TACC2: variants seen among roughly 807,000 people sequenced by gnomAD.
TACC2 encodes the protein transforming acidic coiled-coil containing protein 2.
TACC2 carries 137 observed loss-of-function variants against 227.3 expected under a neutral mutation model. That is an observed-to-expected ratio of 0.60 (90% CI 0.52 to 0.69). The LOEUF is 0.69. Among genes scored for constraint, TACC2 ranks in the 30% least tolerant of loss-of-function variants. TACC2 has a pLI of 0.00. For missense variants in TACC2, 3,470 were observed against 3,694.4 expected (o/e 0.94, Z 1.57); for synonymous variants, 1,523 against 1,487.5 (o/e 1.02, Z -0.55).
chr10:122,085,621 G>C lies in TACC2; in HGVS notation c.3121G>C (p.Gly1041Arg), dbSNP rs769048028. 3 of 1,613,406 alleles carry C rather than the reference G, an allele frequency of 1.9e-6. No individual in the cohort carries two copies. Among genetic ancestry groups the C allele is most frequent in the Non-Finnish European group, 1.7e-6 (2 of 1,180,032 alleles). The change falls in exon 4 of 23, where the codon GGG becomes CGG. Residue 1041 changes from glycine (G) to arginine (R), a missense_variant. This residue lies in a region of TACC2 where 1,924 missense variants were observed against 1,978.3 expected (regional missense o/e 0.97). Coordinates refer to ENST00000369005, the MANE Select transcript of TACC2 (RefSeq NM_206862.4). ...GAGGGAGATGGCAAGTGGAAACACA[G>C]GGGAGGCCCCACCTTGTCAGCCTGA... is the stretch of plus-strand genomic sequence containing the variant. The part of the protein sequence containing the change: ...SKREMASGNT[G>R]EAPPCQPDSV...
intron 7 of TACC2, among the ~76,000 whole-genome samples, chr10:122,144,519 T>C (rs1343369114): frequency 6.6e-6 from 1 of 152,212 alleles, no homozygotes; most frequent in African/African-American, 2.4e-5. Context: ...GCCTCGGTCC[T>C]CAGGGAGCTC....
At chr10:122,132,774 G>A in intron 6 of TACC2, 40 bp downstream of exon 6, 1 of 1,609,238 alleles carries the variant, frequency 6.2e-7, no homozygotes, top group Non-Finnish European at 8.5e-7. Flanking sequence ...AGACCTCAGG[G>A]CCCAATCCTT....
chr10:122,047,087 G>A (rs1039202374), intron 2 of TACC2, among the ~76,000 whole-genome samples: 1 of 151,672 alleles, frequency 6.6e-6, no homozygotes, highest in Non-Finnish European at 1.5e-5. Context: ...TCAGGAGTTC[G>A]AGACTAGCCT....
chr10:122,198,786 G>T (rs1462245431), intron 8 of TACC2, among the ~76,000 whole-genome samples: 1 of 152,220 alleles, frequency 6.6e-6, no homozygotes, highest in Non-Finnish European at 1.5e-5. Context: ...TGTGCGCCTA[G>T]CCTGGGGCAG....
intron 7 of TACC2, among the ~76,000 whole-genome samples, chr10:122,171,420 C>G (rs1348934401): frequency 6.6e-6 from 1 of 152,190 alleles, no homozygotes; most frequent in Non-Finnish European, 1.5e-5. Context: ...GTCACAGTGG[C>G]TCTGTGTCCT....
intron 2 of TACC2, among the ~76,000 whole-genome samples, chr10:122,028,396 A>G (rs762113330): frequency 5.3e-5 from 8 of 151,740 alleles, no homozygotes; most frequent in Admixed American, 2.6e-4. Flanking sequence ...AGCCTATTTT[A>G]TTTTTCATTA....
chr10:122,071,678 A>G (rs1192405575), intron 3 of TACC2, among the ~76,000 whole-genome samples: 1 of 144,330 alleles, frequency 6.9e-6, no homozygotes, highest in Non-Finnish European at 1.5e-5. Context: ...GTTCGAGACC[A>G]GGCTGGCCAA....
intron 2 of TACC2, among the ~76,000 whole-genome samples, chr10:122,035,591 T>C (rs1043578870): frequency 2.6e-5 from 4 of 152,188 alleles, no homozygotes; most frequent in African/African-American, 9.7e-5. Context: ...TATTTATTTT[T>C]TTATTATTGC....
chr10:122,132,076 A>C (rs2138829345), intron 5 of TACC2, among the ~76,000 whole-genome samples: 1 of 98,446 alleles, frequency 1.0e-5, no homozygotes, highest in African/African-American at 4.6e-5. Flanking sequence ...AAAAGAAAGA[A>C]AGAAAGAGAA....
At chr10:122,123,035 T>G (rs1592272181) in intron 5 of TACC2, among the ~76,000 whole-genome samples, 1 of 152,158 alleles carries the variant, frequency 6.6e-6, no homozygotes, top group Middle Eastern at 3.4e-3. Context: ...TTGAGAGAGT[T>G]TCACTCACCC....
chr10:122,182,090 T>C (rs534150126), intron 7 of TACC2, among the ~76,000 whole-genome samples: 1 of 152,354 alleles, frequency 6.6e-6, no homozygotes, highest in African/African-American at 2.4e-5. Context: ...TGCCAAATCA[T>C]GATTGAGACT....
intron 7 of TACC2, among the ~76,000 whole-genome samples, chr10:122,175,494 T>C (rs995431153): frequency 3.3e-5 from 5 of 152,224 alleles, no homozygotes; most frequent in Admixed American, 2.0e-4. Context: ...CAGTTTCTGT[T>C]CTTTGTGCTC....
At chr10:121,997,648 G>A (rs1463307729) in intron 1 of TACC2, among the ~76,000 whole-genome samples, 1 of 152,102 alleles carries the variant, frequency 6.6e-6, no homozygotes, top group East Asian at 1.9e-4. Context: ...CTGCTCAAGT[G>A]TGTGCTGTCA....
At position 122,224,725 on chromosome 10, in the gene TACC2, G is replaced by C; in HGVS notation, c.7547-1G>C. 6.2e-7 allele frequency: 1 copy of C among 1,613,888 alleles called. No individual in the cohort carries two copies. The highest frequency in any genetic ancestry group is 8.5e-7 in the Non-Finnish European group (1 of 1,179,898). ...GTTTGTGTTTGTTTTTGTTTTTGCA[G>C]AGTTGGATTACAGAAACTCCTATGA... On this transcript the variant is annotated splice_acceptor_variant, in intron 11 of 22. Transcript: ENST00000369005. LOFTEE classifies it high-confidence loss of function.
At chr10:122,186,993 G>C (rs1019842180) in intron 7 of TACC2, among the ~76,000 whole-genome samples, 4 of 152,190 alleles carry the variant, frequency 2.6e-5, no homozygotes, top group Admixed American at 2.6e-4. Context: ...GCAGGATCTA[G>C]TTACAAATCG....
intron 16 of TACC2, among the ~76,000 whole-genome samples, chr10:122,231,762 G>A (rs1173922164): frequency 6.6e-6 from 1 of 152,198 alleles, no homozygotes; most frequent in Non-Finnish European, 1.5e-5. Flanking sequence ...GATTGCTTGA[G>A]CCCAGGAGTT....
At chr10:122,031,565 C>T (rs1000988214) in intron 2 of TACC2, among the ~76,000 whole-genome samples, 3 of 149,154 alleles carry the variant, frequency 2.0e-5, no homozygotes, top group East Asian at 2.0e-4. Flanking sequence ...CCACTGCGCC[C>T]GGCTAATTTT....
At chr10:122,173,803 G>A (rs1383518265) in intron 7 of TACC2, among the ~76,000 whole-genome samples, 1 of 152,234 alleles carries the variant, frequency 6.6e-6, no homozygotes, top group South Asian at 2.1e-4. Flanking sequence ...TAACAGATAA[G>A]GGAAGAGCAT....
rs151198040 is a variant in TACC2, at chr10:122,085,351, G to C, written c.2851G>C (p.Gly951Arg). ...TGCACTAGGGGAGAAGCGGCCAGAG[G>C]GAGCATGCGGTGATGGTCAGTCCTC... is the stretch of plus-strand genomic sequence containing the variant. Reference protein sequence around the residue: ...LPALGEKRPEGACGDGQSSRV... With the variant: ...LPALGEKRPERACGDGQSSRV... Residue 951 changes from glycine (G) to arginine (R), a missense_variant, in exon 4 of 23, where the codon GGA becomes CGA. By Grantham distance (125) the Gly-to-Arg change is moderately radical (BLOSUM62 -2). This residue lies in a region of TACC2 where 1,924 missense variants were observed against 1,978.3 expected (regional missense o/e 0.97). Coordinates refer to ENST00000369005, the MANE Select transcript of TACC2 (RefSeq NM_206862.4). 103 of 1,613,886 alleles carry C rather than the reference G, an allele frequency of 6.4e-5. No homozygotes were observed. Among genetic ancestry groups the C allele is most frequent in the Non-Finnish European group, 8.4e-5 (99 of 1,180,038 alleles).
Sources: gnomAD v4.1 joint callset for allele counts (sites outside exome capture counted in the v4.1 genomes callset) on GRCh38, gnomAD v4.1.1 for gene constraint, gnomAD v4.1.1 regional missense constraint, MANE v1.5 for transcripts, NCBI Gene and HGNC (gene_info 2026-07-23, HGNC 2026-07-21) for gene names.